The following USP37 variants were observed in gnomAD, a reference collection of about 807,000 sequenced individuals.
USP37 encodes the protein ubiquitin specific peptidase 37.
In USP37, 27 loss-of-function variants were observed where a neutral mutation model predicts 124.0. The ratio of observed to expected loss-of-function variants is 0.22; its 90% confidence interval spans 0.16 to 0.30. The LOEUF is 0.30. Among genes scored for constraint, USP37 ranks in the 10% least tolerant of loss-of-function variants. The probability of loss-of-function intolerance (pLI) is 1.00; values close to 1 mark genes in which losing one functional copy is unlikely to be tolerated. For synonymous variants in USP37, 365 were observed against 388.0 expected (o/e 0.94, Z 0.70); for missense variants, 889 against 1,140.4 (o/e 0.78, Z 3.17).
chr2:218,525,335 T>C (rs920368623), intron 10 of USP37, among the ~76,000 whole-genome samples: 1 of 151,924 alleles, frequency 6.6e-6, no homozygotes, highest in African/African-American at 2.4e-5. Context: ...ACCAAAAAAA[T>C]AGCCAGGTGT....
In USP37 at chr2:218,495,012, G is replaced by A. The variant is rs577523075; in HGVS notation, c.1472+748C>T. Among the ~76,000 whole-genome samples, 63 of 150,650 alleles carry A rather than the reference G, an allele frequency of 4.2e-4. 1 individual carries two copies. Among genetic ancestry groups the A allele is most frequent in the African/African-American group, 1.5e-3 (61 of 41,034 alleles). ...AAAAACAAGTATTCCCAAACAAATC[G>A]ATATTCTACAATGGAAAAGATGTAG... On this transcript the variant is annotated intron_variant, in intron 14 of 25. Coordinates refer to ENST00000258399, the MANE Select transcript of USP37 (RefSeq NM_020935.3).
chr2:218,455,094 A>T (rs1689620951), intron 25 of USP37, 77 bp from the exon 26 acceptor site: 2 of 1,555,336 alleles, frequency 1.3e-6, no homozygotes, highest in Non-Finnish European at 1.8e-6. Flanking sequence ...GAAAAAGTAA[A>T]ATAAAATTGA....
intron 3 of USP37, among the ~76,000 whole-genome samples, chr2:218,559,705 C>G (rs1231195538): frequency 6.6e-6 from 1 of 151,970 alleles, no homozygotes; most frequent in African/African-American, 2.4e-5. Flanking sequence ...TATTTGAAAA[C>G]TAAAAAGAAA....
chr2:218,460,939 CA>C (rs57414794), intron 22 of USP37, among the ~76,000 whole-genome samples: 6,158 of 148,674 alleles, frequency 0.041, 163 homozygotes, highest in East Asian at 0.12. Flanking sequence ...GACTCTGTCT[CA>C]AAAAAATAAA....
intron 11 of USP37, chr2:218,500,942 G>C (rs531004635): frequency 6.0e-6 from 1 of 166,346 alleles, no homozygotes; most frequent in Non-Finnish European, 1.5e-5. Flanking sequence ...AGTGGTGAGG[G>C]AGGAAGGGGA....
intron 16 of USP37, among the ~76,000 whole-genome samples, chr2:218,483,988 G>A (rs1037951064): frequency 5.9e-5 from 9 of 151,586 alleles, no homozygotes; most frequent in African/African-American, 2.2e-4. Context: ...GCGCGACCCT[G>A]TCTCTACCAA....
intron 8 of USP37, among the ~76,000 whole-genome samples, chr2:218,541,982 G>C (rs987791456): frequency 1.3e-5 from 2 of 152,052 alleles, no homozygotes; most frequent in African/African-American, 4.8e-5. Context: ...TGCCCACCTG[G>C]ACAGAGCCAG....
At chr2:218,556,493 G>C (rs1243994991) in intron 4 of USP37, among the ~76,000 whole-genome samples, 1 of 142,478 alleles carries the variant, frequency 7.0e-6, no homozygotes, top group Non-Finnish European at 1.5e-5. Context: ...TGGTTACTCT[G>C]GGTTTTTCTG....
chr2:218,549,172 T>C (rs912095100), intron 6 of USP37, among the ~76,000 whole-genome samples: 6 of 152,116 alleles, frequency 3.9e-5, no homozygotes, highest in African/African-American at 1.4e-4. Flanking sequence ...TAAGTCAAAA[T>C]ATATCAAATT....
At chr2:218,517,613 G>A (rs532842309) in intron 10 of USP37, among the ~76,000 whole-genome samples, 95 of 152,292 alleles carry the variant, frequency 6.2e-4, no homozygotes, top group African/African-American at 2.0e-3. Flanking sequence ...CTCCTTTGAA[G>A]CTGAAATGTT....
At chr2:218,527,522 C>G (rs994726858) in intron 10 of USP37, among the ~76,000 whole-genome samples, 3 of 152,320 alleles carry the variant, frequency 2.0e-5, no homozygotes, top group African/African-American at 7.2e-5. Flanking sequence ...CCTTTGCACA[C>G]TATTAGTTTT....
At chr2:218,556,441 A>C (rs1337737164) in intron 4 of USP37, among the ~76,000 whole-genome samples, 1 of 143,538 alleles carries the variant, frequency 7.0e-6, no homozygotes, top group Non-Finnish European at 1.5e-5. Context: ...TTCTTGTGTT[A>C]CCTCAGGATC....
chr2:218,496,668 G>A (rs6736142), intron 13 of USP37, among the ~76,000 whole-genome samples: 2,701 of 151,760 alleles, frequency 0.018, 87 homozygotes, highest in African/African-American at 0.061. Context: ...CTTTCTTTGA[G>A]ACAGATTTTC....
intron 11 of USP37, among the ~76,000 whole-genome samples, chr2:218,507,382 T>A (rs1317713662): frequency 6.6e-6 from 1 of 152,050 alleles, no homozygotes; most frequent in Non-Finnish European, 1.5e-5. Context: ...AGTCTCGAAC[T>A]CTTGACCTCA....
chr2:218,512,562 CA>C (rs1262121998), intron 10 of USP37, among the ~76,000 whole-genome samples: 1 of 151,976 alleles, frequency 6.6e-6, no homozygotes, highest in Non-Finnish European at 1.5e-5. Context: ...AGAATACTCA[CA>C]TGGGAAAAGT....
rs4292082 is a variant in USP37, at chr2:218,457,142, G to A, written c.2663C>T (p.Ser888Leu). 6.2e-7 allele frequency: 1 copy of A among 1,613,890 alleles called. No individual in the cohort carries two copies. The highest frequency in any genetic ancestry group is 8.5e-7 in the Non-Finnish European group (1 of 1,179,910). Residue 888 changes from serine to leucine, a missense_variant, in exon 24 of 26, where the codon TCG (serine) becomes TTG (leucine). Physicochemically the swap from Ser to Leu is moderately radical, Grantham distance 145 (BLOSUM62 -2). Coordinates refer to ENST00000258399, the MANE Select transcript of USP37 (RefSeq NM_020935.3). ...ACTGACAACACTGATGAGCCGGTAC[G>A]AATGAGGCAGATTTCCTGTCTGGAA... ...RNAETGNLPH[S>L]YRLISVVSHI...
chr2:218,481,683 C>CTTTTTTTTTTTTTTT (rs71403043), intron 17 of USP37, among the ~76,000 whole-genome samples: 3 of 134,468 alleles, frequency 2.2e-5, no homozygotes, highest in African/African-American at 5.4e-5. Flanking sequence ...CTTTTCTTTT[C>CTTTTTTTTTTTTTTT]TTTTTTTTTT....
At chr2:218,485,635 C>CAAAAA (rs60749670) in intron 16 of USP37, 29 bp downstream of exon 16, 182 of 1,298,440 alleles carry the variant, frequency 1.4e-4, no homozygotes, top group South Asian at 5.3e-4. Flanking sequence ...TAGTCCATAG[C>CAAAAA]AAAAAAAAAA....
intron 11 of USP37, among the ~76,000 whole-genome samples, chr2:218,501,979 TAG>T (rs1013660907): frequency 1.2e-4 from 19 of 152,052 alleles, no homozygotes; most frequent in Non-Finnish European, 1.6e-4. Flanking sequence ...CCAGTCAGAG[TAG>T]AGAGACCTAG....
Sources: gnomAD v4.1 joint callset for allele counts (sites outside exome capture counted in the v4.1 genomes callset) on GRCh38, gnomAD v4.1.1 for gene constraint, MANE v1.5 for transcripts, NCBI Gene and HGNC (gene_info 2026-07-23, HGNC 2026-07-21) for gene names.